TCF7L1: variants seen among roughly 807,000 people sequenced by gnomAD.
TCF7L1 encodes the protein transcription factor 7 like 1.
In TCF7L1, 18 loss-of-function variants were observed where a neutral mutation model predicts 63.7. That is an observed-to-expected ratio of 0.28 (90% CI 0.20 to 0.42). The LOEUF (loss-of-function observed/expected upper bound fraction) is 0.42, where lower values mean the gene tolerates loss of function less well. TCF7L1 is among the 10% of genes least tolerant of loss of function. TCF7L1 has a pLI of 1.00. For missense variants in TCF7L1, 654 were observed against 779.3 expected, an observed-to-expected ratio of 0.84 and a Z score of 1.91; for synonymous variants, 355 against 340.9, an observed-to-expected ratio of 1.04 and a Z score of -0.46.
intron 3 of TCF7L1, among the ~76,000 whole-genome samples, chr2:85,167,750 G>T (rs572809916): frequency 6.6e-6 from 1 of 152,260 alleles, no homozygotes; most frequent in East Asian, 1.9e-4. Context: ...CGTAGTTTCG[G>T]CTACTCGGGA....
intron 3 of TCF7L1, among the ~76,000 whole-genome samples, chr2:85,171,357 G>A (rs1055617055): frequency 3.9e-5 from 6 of 152,172 alleles, no homozygotes; most frequent in Non-Finnish European, 7.3e-5. Flanking sequence ...ATGATTTGGG[G>A]GTGCTGTTTT....
In TCF7L1 at chr2:85,133,774, C is replaced by G. The variant is rs1354525590; in HGVS notation, c.90C>G (p.Asp30Glu). The change falls in exon 1 of 12, where the codon GAC becomes GAG. Residue 30 changes from aspartate to glutamate, a missense_variant. Coordinates refer to ENST00000282111, the MANE Select transcript of TCF7L1 (RefSeq NM_031283.3). The surrounding 1 kb of genome is among the most constrained non-coding windows in gnomAD (Gnocchi z 4.4). ...GSSAGAAGGG[D>E]DLGANDELIP... The stretch of plus-strand genomic sequence containing the variant: ...GCGCCGGGGCGGCCGGCGGAGGGGA[C>G]GACCTCGGGGCGAACGACGAGCTGA... 2 of 1,260,106 alleles carry G rather than the reference C, an allele frequency of 1.6e-6. No individual in the cohort carries two copies. Among genetic ancestry groups the G allele is most frequent in the Non-Finnish European group, 2.0e-6 (2 of 999,858 alleles). 78.1% of individuals were successfully genotyped at this position (1,260,106 alleles called of 1,614,324 possible). A position where few individuals can be genotyped will look rare whatever the true frequency, so the allele number is the denominator to read the frequency against.
In TCF7L1 at chr2:85,134,319, G is replaced by A. The variant is rs371804065; in HGVS notation, c.314-4G>A. The A allele has an allele frequency of 6.3e-7, 1 of 1,581,248 alleles. No homozygotes were observed. Among genetic ancestry groups the A allele is most frequent in the Non-Finnish European group, 8.6e-7 (1 of 1,162,972 alleles). ...GCCTCACCTCGCCTTGGTCTTGTTC[G>A]CAGTGAGAAGGCCTCAGGACAGCGC... On this transcript the variant is annotated splice_region_variant and splice_polypyrimidine_tract_variant and intron_variant, in intron 2 of 11. Transcript: ENST00000282111. This position sits in a 1 kb window ranked among gnomAD's most constrained non-coding sequence, Gnocchi z 5.0.
In TCF7L1 at chr2:85,309,428, A is replaced by G. The variant is rs1349120751; in HGVS notation, c.1733A>G (p.Gln578Arg). 6.4e-7 allele frequency: 1 copy of G among 1,552,156 alleles called. No homozygotes were observed. Among genetic ancestry groups the G allele is most frequent in the South Asian group, 1.2e-5 (1 of 81,040 alleles). ...AHQALPVLQA[Q>R]PLSLVTKSAH Reference sequence around the variant, plus strand: ...CAGGCCCTCCCGGTGCTACAGGCCCAGCCTCTTTCCCTGGTCACCAAGTCT... The same window carrying G: ...CAGGCCCTCCCGGTGCTACAGGCCCGGCCTCTTTCCCTGGTCACCAAGTCT... Residue 578 changes from glutamine (Q) to arginine (R), a missense_variant, in exon 12 of 12, where the codon CAG becomes CGG. Gln to Arg is a conservative substitution (Grantham distance 43). Around this residue, in one of 3 missense-constraint regions of TCF7L1, gnomAD observed 184 missense variants for 204.0 expected, o/e 0.90. Coordinates refer to ENST00000282111, the MANE Select transcript of TCF7L1 (RefSeq NM_031283.3).
chr2:85,275,075 C>T (rs1457024346), intron 3 of TCF7L1, among the ~76,000 whole-genome samples: 1 of 152,244 alleles, frequency 6.6e-6, no homozygotes, highest in African/African-American at 2.4e-5. Context: ...CCCCTGATTC[C>T]GTATTTGTTG....
intron 3 of TCF7L1, among the ~76,000 whole-genome samples, chr2:85,205,423 G>A (rs1436291627): frequency 6.6e-6 from 1 of 152,080 alleles, no homozygotes; most frequent in East Asian, 1.9e-4. Flanking sequence ...ACTAAAGCCT[G>A]TATCTTGAAA....
intron 3 of TCF7L1, among the ~76,000 whole-genome samples, chr2:85,195,073 G>C (rs1218323077): frequency 1.3e-5 from 2 of 152,244 alleles, no homozygotes; most frequent in Non-Finnish European, 2.9e-5. Context: ...TAGTGGCTGG[G>C]ACTGTGGGCT....
intron 3 of TCF7L1, among the ~76,000 whole-genome samples, chr2:85,275,175 T>G (rs1197865520): frequency 6.6e-6 from 1 of 152,214 alleles, no homozygotes; most frequent in Non-Finnish European, 1.5e-5. Context: ...GACCATCTAG[T>G]CCAGGCCCCT....
At chr2:85,281,729 G>A (rs1681425311) in intron 3 of TCF7L1, among the ~76,000 whole-genome samples, 2 of 152,138 alleles carry the variant, frequency 1.3e-5, no homozygotes, top group Non-Finnish European at 2.9e-5. Flanking sequence ...GGTCTCCCGC[G>A]CCAGGCCTGC....
At chr2:85,137,668 G>A (rs757231894) in intron 3 of TCF7L1, among the ~76,000 whole-genome samples, 15 of 152,148 alleles carry the variant, frequency 9.9e-5, no homozygotes, top group African/African-American at 1.4e-4. Flanking sequence ...CAAGGCGGGC[G>A]GATCACCTGA....
chr2:85,273,792 G>T (rs900597310), intron 3 of TCF7L1, among the ~76,000 whole-genome samples: 15 of 152,186 alleles, frequency 9.9e-5, no homozygotes, highest in Non-Finnish European at 1.6e-4. Flanking sequence ...TAACCCAGGA[G>T]GAGGCAGCTC....
Position 85,134,346 on chromosome 2 carries a change from T to C in TCF7L1, c.337T>C (p.Phe113Leu). The C allele has an allele frequency of 1.3e-6, 2 of 1,585,254 alleles. No individual in the cohort carries two copies. The highest frequency in any genetic ancestry group is 1.7e-6 in the Non-Finnish European group (2 of 1,165,060). The change falls in exon 3 of 12, where the codon TTC becomes CTC. Residue 113 changes from phenylalanine to leucine, a missense_variant. By Grantham distance (22) the Phe-to-Leu change is conservative. This residue lies in a region of TCF7L1 where 404 missense variants were observed against 454.8 expected (regional missense o/e 0.89). Transcript: ENST00000282111. This position sits in a 1 kb window ranked among gnomAD's most constrained non-coding sequence, Gnocchi z 5.0. ...AEVRRPQDSA[F>L]FKGPPYPGYP... ...AGTGAGAAGGCCTCAGGACAGCGCGTTCTTTAAAGGACCCCCGTACCCTGG... is the reference window on the plus strand; with the variant it reads ...AGTGAGAAGGCCTCAGGACAGCGCGCTCTTTAAAGGACCCCCGTACCCTGG...
intron 8 of TCF7L1, among the ~76,000 whole-genome samples, chr2:85,305,796 C>T (rs1305541744): frequency 6.6e-6 from 1 of 152,068 alleles, no homozygotes; most frequent in Non-Finnish European, 1.5e-5. Context: ...TTACCTTGCC[C>T]GTGTACCATA....
chr2:85,307,925 G>A (rs1682156153), intron 11 of TCF7L1, among the ~76,000 whole-genome samples: 1 of 152,148 alleles, frequency 6.6e-6, no homozygotes, highest in Non-Finnish European at 1.5e-5. Flanking sequence ...GGTGGTGGTA[G>A]GATTTGATCC....
intron 4 of TCF7L1, among the ~76,000 whole-genome samples, chr2:85,293,831 T>C (rs1681778662): frequency 6.6e-6 from 1 of 152,162 alleles, no homozygotes; most frequent in Admixed American, 6.5e-5. Flanking sequence ...TTAGAATTTC[T>C]CTTGGTTGTC....
intron 3 of TCF7L1, among the ~76,000 whole-genome samples, chr2:85,135,618 C>T (rs1677574070): frequency 6.6e-6 from 1 of 151,488 alleles, no homozygotes; most frequent in African/African-American, 2.4e-5. Flanking sequence ...TGTCATTGTA[C>T]AGCGGTCGGT....
At chr2:85,166,612 A>G (rs1177383565) in intron 3 of TCF7L1, among the ~76,000 whole-genome samples, 1 of 152,212 alleles carries the variant, frequency 6.6e-6, no homozygotes, top group Non-Finnish European at 1.5e-5. Context: ...TGCTGAGTAC[A>G]GTCAGATCGG....
chr2:85,152,478 A>G (rs1444049558), intron 3 of TCF7L1, among the ~76,000 whole-genome samples: 1 of 138,484 alleles, frequency 7.2e-6, no homozygotes, highest in Non-Finnish European at 1.5e-5. Context: ...TCTGTCACCG[A>G]GGCTGGAGTG....
intron 3 of TCF7L1, among the ~76,000 whole-genome samples, chr2:85,207,360 G>A (rs1231586070): frequency 6.6e-6 from 1 of 152,060 alleles, no homozygotes; most frequent in Non-Finnish European, 1.5e-5. Flanking sequence ...ACCTGCCCAC[G>A]TCCTGTGTGC....
Sources: gnomAD v4.1 joint callset for allele counts (sites outside exome capture counted in the v4.1 genomes callset) on GRCh38, gnomAD v4.1.1 for gene constraint, gnomAD v4.1.1 regional missense constraint, Gnocchi (gnomAD v3.1) non-coding constraint, MANE v1.5 for transcripts, NCBI Gene and HGNC (gene_info 2026-07-23, HGNC 2026-07-21) for gene names.